KCNH5: variants seen among roughly 807,000 people sequenced by gnomAD.
KCNH5 encodes voltage-gated delayed rectifier potassium channel KCNH5.
KCNH5 carries 46 observed loss-of-function variants against 96.1 expected under a neutral mutation model. The observed-to-expected ratio is 0.48, with a 90% CI of 0.38 to 0.61. KCNH5 has a LOEUF of 0.61. Ranked by LOEUF, KCNH5 falls within the 20% of genes least tolerant of loss-of-function variation. KCNH5 has a pLI of 0.00. For missense variants in KCNH5, 907 were observed against 1,225.8 expected, an observed-to-expected ratio of 0.74 and a Z score of 3.88; for synonymous variants, 439 against 449.8, an observed-to-expected ratio of 0.98 and a Z score of 0.30.
intron 7 of KCNH5, among the ~76,000 whole-genome samples, chr14:62,905,740 A>G (rs1889014594): frequency 6.6e-6 from 1 of 152,260 alleles, no homozygotes; most frequent in Non-Finnish European, 1.5e-5. Flanking sequence ...GGGTGAGCCA[A>G]CAATGTCTAG....
chr14:62,941,471 A>C (rs1198970660), intron 7 of KCNH5, among the ~76,000 whole-genome samples: 1 of 152,158 alleles, frequency 6.6e-6, no homozygotes. Context: ...AAACCATGAT[A>C]AAAGGTGCCT....
At chr14:62,715,247 T>A (rs779007936) in intron 10 of KCNH5, among the ~76,000 whole-genome samples, 27 of 152,168 alleles carry the variant, frequency 1.8e-4, no homozygotes, top group Admixed American at 2.6e-4. Flanking sequence ...ATGTCATGGA[T>A]TCAGTGTTAC....
intron 6 of KCNH5, among the ~76,000 whole-genome samples, chr14:62,958,940 T>C (rs569105852): frequency 2.9e-4 from 44 of 152,172 alleles, no homozygotes; most frequent in African/African-American, 9.4e-4. Context: ...CAACTACACC[T>C]TTCCCATAGA....
At chr14:63,044,020 AT>A (rs1461779388) in intron 1 of KCNH5, among the ~76,000 whole-genome samples, 1 of 152,194 alleles carries the variant, frequency 6.6e-6, no homozygotes, top group Non-Finnish European at 1.5e-5. Flanking sequence ...GTTTCAATGA[AT>A]GAATAAACAA....
At chr14:63,040,108 G>T (rs536745564) in intron 1 of KCNH5, among the ~76,000 whole-genome samples, 1 of 152,128 alleles carries the variant, frequency 6.6e-6, no homozygotes, top group Admixed American at 6.6e-5. Flanking sequence ...GAAAGAAAAA[G>T]ATAAACACTG....
chr14:62,910,901 A>ACC (rs752644328), intron 7 of KCNH5, among the ~76,000 whole-genome samples: 3 of 75,298 alleles, frequency 4.0e-5, no homozygotes, highest in Admixed American at 1.4e-4. Flanking sequence ...TGCATACACC[A>ACC]CACACACACA....
chr14:62,764,370 C>G (rs1885815708), intron 10 of KCNH5, among the ~76,000 whole-genome samples: 2 of 151,946 alleles, frequency 1.3e-5, no homozygotes, highest in Admixed American at 1.3e-4. Flanking sequence ...AAGGAAAATA[C>G]CCCAAAATAA....
chr14:63,003,625 T>TATA (rs1491255743), intron 3 of KCNH5, among the ~76,000 whole-genome samples: 2 of 103,706 alleles, frequency 1.9e-5, no homozygotes, highest in Admixed American at 1.0e-4. Context: ...TATATATATA[T>TATA]TTTTTTTTTT....
At chr14:62,755,894 G>C (rs1885612710) in intron 10 of KCNH5, among the ~76,000 whole-genome samples, 1 of 152,108 alleles carries the variant, frequency 6.6e-6, no homozygotes, top group Admixed American at 6.5e-5. Context: ...AAATGCATTG[G>C]ATAAAATTCA....
At chr14:62,724,702 A>G (rs930644081) in intron 10 of KCNH5, among the ~76,000 whole-genome samples, 1 of 152,230 alleles carries the variant, frequency 6.6e-6, no homozygotes, top group Non-Finnish European at 1.5e-5. Flanking sequence ...GCTTCTAAAC[A>G]TTGCTGGCCA....
intron 5 of KCNH5, among the ~76,000 whole-genome samples, chr14:62,984,296 C>G (rs1306743859): frequency 1.3e-5 from 2 of 152,062 alleles, no homozygotes; most frequent in African/African-American, 4.8e-5. Flanking sequence ...TTATCTCTAC[C>G]CAACATAAAA....
In KCNH5 at chr14:63,033,354, C is replaced by CT. The variant is rs145712353; in HGVS notation, c.73+11759dup. Among the ~76,000 whole-genome samples the CT allele has an allele frequency of 5.7e-4, 87 of 152,294 alleles. 3 individuals carry two copies. In the East Asian group the frequency reaches 0.016, roughly 28 times the overall value. ...CTTCACAAACTTAGCCATTCATTTT[C>CT]TTTTTCTCCTTAGGAATGTTCACAT... On this transcript the variant is annotated intron_variant, in intron 1 of 10. Transcript: ENST00000322893.
intron 8 of KCNH5, among the ~76,000 whole-genome samples, chr14:62,843,870 C>T (rs924072861): frequency 6.6e-6 from 1 of 151,736 alleles, no homozygotes; most frequent in Non-Finnish European, 1.5e-5. Flanking sequence ...AAATATAATC[C>T]ATTTTTCATA....
chr14:62,764,248 A>C (rs544403179), intron 10 of KCNH5, among the ~76,000 whole-genome samples: 4 of 152,374 alleles, frequency 2.6e-5, no homozygotes, highest in African/African-American at 9.6e-5. Context: ...GATTCATTAC[A>C]TAAGCAGAAC....
At chr14:62,805,332 CT>C (rs1886743531) in intron 8 of KCNH5, among the ~76,000 whole-genome samples, 1 of 152,024 alleles carries the variant, frequency 6.6e-6, no homozygotes, top group African/African-American at 2.4e-5. Flanking sequence ...TACACCTTTC[CT>C]TTTTTGTTTC....
intron 9 of KCNH5, among the ~76,000 whole-genome samples, chr14:62,787,350 A>G (rs1595622280): frequency 6.6e-6 from 1 of 152,210 alleles, no homozygotes; most frequent in Non-Finnish European, 1.5e-5. Flanking sequence ...AATTCTGTAA[A>G]GGCTAAGAGA....
At chr14:62,851,820 C>T (rs1013705932) in intron 7 of KCNH5, among the ~76,000 whole-genome samples, 1 of 152,016 alleles carries the variant, frequency 6.6e-6, no homozygotes, top group Non-Finnish European at 1.5e-5. Context: ...AAGATGCTTG[C>T]GATATGCTAC....
At chr14:62,974,896 A>C (rs1010189176) in intron 6 of KCNH5, among the ~76,000 whole-genome samples, 1 of 152,212 alleles carries the variant, frequency 6.6e-6, no homozygotes, top group African/African-American at 2.4e-5. Flanking sequence ...CACATTCTTC[A>C]CCATCACAGG....
At chr14:62,760,267 G>A (rs115588123) in intron 10 of KCNH5, among the ~76,000 whole-genome samples, 1,756 of 152,104 alleles carry the variant, frequency 0.012, 32 homozygotes, top group African/African-American at 0.04. Flanking sequence ...TCCTATCATG[G>A]GAAACTAACT....
Sources: gnomAD v4.1 joint callset for allele counts (sites outside exome capture counted in the v4.1 genomes callset) on GRCh38, gnomAD v4.1.1 for gene constraint, MANE v1.5 for transcripts, NCBI Gene and HGNC (gene_info 2026-07-23, HGNC 2026-07-21) for gene names.